Variants in ST6GALNAC5 observed in about 807,000 individuals in gnomAD.
ST6GALNAC5 encodes the protein alpha-N-acetylgalactosaminide alpha-2,6-sialyltransferase 5.
ST6GALNAC5 carries 27 observed loss-of-function variants against 33.6 expected under a neutral mutation model. That is an observed-to-expected ratio of 0.80 (90% CI 0.59 to 1.11). ST6GALNAC5 has a LOEUF of 1.11. ST6GALNAC5 is among the 50% of genes least tolerant of loss of function. ST6GALNAC5 has a pLI of 0.00. For missense variants in ST6GALNAC5, 428 were observed against 454.0 expected, an observed-to-expected ratio of 0.94 and a Z score of 0.52; for synonymous variants, 194 against 171.2, an observed-to-expected ratio of 1.13 and a Z score of -1.04.
chr1:77,028,163 T>G (rs1481194579), intron 2 of ST6GALNAC5, among the ~76,000 whole-genome samples: 1 of 152,192 alleles, frequency 6.6e-6, no homozygotes, highest in Non-Finnish European at 1.5e-5. Context: ...TTTGGCCTCT[T>G]AAGACAAGCC....
At chr1:77,016,068 C>T (rs1324791980) in intron 2 of ST6GALNAC5, among the ~76,000 whole-genome samples, 3 of 149,516 alleles carry the variant, frequency 2.0e-5, no homozygotes, top group Admixed American at 2.0e-4. Context: ...TCTACCCCCA[C>T]ATCCCCTCCT....
At position 77,063,250 on chromosome 1, in the gene ST6GALNAC5, A is replaced by G; in HGVS notation, c.*44A>G. 1 of 1,547,010 alleles carries G rather than the reference A, an allele frequency of 6.5e-7. No individual in the cohort carries two copies. Among genetic ancestry groups the G allele is most frequent in the Non-Finnish European group, 8.9e-7 (1 of 1,124,224 alleles). Reference sequence around the variant, plus strand: ...TGTAATCCCAGGTATTCACTGCATCAGACACCGAGACACTGAACTTCCTGA... The same window carrying G: ...TGTAATCCCAGGTATTCACTGCATCGGACACCGAGACACTGAACTTCCTGA... On this transcript the variant is annotated 3_prime_UTR_variant, in exon 5 of 5. Transcript: ENST00000477717.
chr1:76,878,157 C>T (rs138585993), intron 2 of ST6GALNAC5, among the ~76,000 whole-genome samples: 1 of 152,278 alleles, frequency 6.6e-6, no homozygotes, highest in East Asian at 1.9e-4. Context: ...CTCTGCAATC[C>T]CTACAGGGAT....
intron 2 of ST6GALNAC5, among the ~76,000 whole-genome samples, chr1:77,005,418 C>T (rs544085271): frequency 2.0e-4 from 31 of 152,330 alleles, no homozygotes; most frequent in Middle Eastern, 3.4e-3. Flanking sequence ...GAACCCGGTA[C>T]CTCAGATGGA....
Position 77,023,613 on chromosome 1 carries a change from G to A in ST6GALNAC5, c.262-20591G>A, listed in dbSNP as rs531383352. On this transcript the variant is annotated intron_variant, in intron 2 of 4. Coordinates refer to ENST00000477717, the MANE Select transcript of ST6GALNAC5 (RefSeq NM_030965.3). ...TGTGTCAGAGCAGAGGTGAAATCTCGGACAGCTCAGAAATCTTGGCACTGA... is the reference window on the plus strand; with the variant it reads ...TGTGTCAGAGCAGAGGTGAAATCTCAGACAGCTCAGAAATCTTGGCACTGA... Among the ~76,000 whole-genome samples the A allele has an allele frequency of 6.6e-4, 101 of 152,284 alleles. 1 individual carries two copies. The highest frequency in any genetic ancestry group is 1.7e-3 in the African/African-American group (69 of 41,560).
At chr1:77,026,771 G>A (rs1557766236) in intron 2 of ST6GALNAC5, among the ~76,000 whole-genome samples, 1 of 151,882 alleles carries the variant, frequency 6.6e-6, no homozygotes. Context: ...GGAAGATAGT[G>A]GACCACTAAA....
intron 4 of ST6GALNAC5, among the ~76,000 whole-genome samples, chr1:77,058,973 C>A (rs1399495853): frequency 6.6e-6 from 1 of 152,192 alleles, no homozygotes; most frequent in African/African-American, 2.4e-5. Context: ...TCAGTTGTCT[C>A]AAACTTAGCT....
At chr1:77,003,646 T>C (rs1233347273) in intron 2 of ST6GALNAC5, among the ~76,000 whole-genome samples, 1 of 152,158 alleles carries the variant, frequency 6.6e-6, no homozygotes, top group Non-Finnish European at 1.5e-5. Context: ...TTCCTTTCCA[T>C]GTTTAGCGCT....
rs950644175 is a variant in ST6GALNAC5, at chr1:76,962,214, C to T, written c.262-81990C>T. Among the ~76,000 whole-genome samples the T allele has an allele frequency of 1.1e-4, 17 of 152,218 alleles. 1 individual carries two copies. The South Asian group carries it at 1.9e-3, about 17-fold the overall frequency. On this transcript the variant is annotated intron_variant, in intron 2 of 4. Transcript: ENST00000477717. ...AGTTGAGGAAGAAGATTGAACAAAACATGATAAAAAATTCAGAGCTACTTG... is the reference window on the plus strand; with the variant it reads ...AGTTGAGGAAGAAGATTGAACAAAATATGATAAAAAATTCAGAGCTACTTG...
rs776552753 is a variant in ST6GALNAC5, at chr1:77,061,310, CAGCTCAAAGGTTTA to C, written c.780-1664_780-1651del. Among the ~76,000 whole-genome samples, 962 of 152,252 alleles carry C rather than the reference CAGCTCAAAGGTTTA, an allele frequency of 6.3e-3. 4 individuals carry two copies. Among genetic ancestry groups the C allele is most frequent in the Non-Finnish European group, 9.9e-3 (676 of 68,000 alleles). On this transcript the variant is annotated intron_variant, in intron 4 of 4. Transcript: ENST00000477717. ...AAGAACTTTAACCTAAGAGGAGAAACAGCTCAAAGGTTTATTGTTGTCAGAGCCAAAAACATGAC... is the reference window on the plus strand; with the variant it reads ...AAGAACTTTAACCTAAGAGGAGAAACTTGTTGTCAGAGCCAAAAACATGAC...
intron 2 of ST6GALNAC5, among the ~76,000 whole-genome samples, chr1:76,918,379 G>A (rs1162393578): frequency 6.6e-6 from 1 of 151,734 alleles, no homozygotes; most frequent in African/African-American, 2.4e-5. Context: ...CAACACTTTG[G>A]GAGGCCAAGG....
rs555007598 is a variant in ST6GALNAC5 at position 76,982,292 on chromosome 1, G to A, written c.262-61912G>A. On this transcript the variant is annotated intron_variant, in intron 2 of 4. Coordinates refer to ENST00000477717, the MANE Select transcript of ST6GALNAC5 (RefSeq NM_030965.3). ...AAAAGATTAGATGAATGGCTAACTA[G>A]AATAAACAGTAAAGAGAAGACCTTA... Among the ~76,000 whole-genome samples the A allele has an allele frequency of 7.9e-5, 12 of 152,266 alleles. No individual in the cohort carries two copies. In the East Asian group the frequency reaches 1.5e-3, roughly 20 times the overall value.
At chr1:76,893,096 C>T (rs1654048455) in intron 2 of ST6GALNAC5, among the ~76,000 whole-genome samples, 1 of 152,164 alleles carries the variant, frequency 6.6e-6, no homozygotes, top group African/African-American at 2.4e-5. Context: ...TCTTGGCAGG[C>T]ATAAGGAGTA....
In ST6GALNAC5 at chr1:76,967,621, G is replaced by T. The variant is rs545105958; in HGVS notation, c.262-76583G>T. Among the ~76,000 whole-genome samples the T allele has an allele frequency of 2.8e-4, 42 of 152,156 alleles. 1 individual carries two copies. Among genetic ancestry groups the T allele is most frequent in the African/African-American group, 9.2e-4 (38 of 41,504 alleles). On this transcript the variant is annotated intron_variant, in intron 2 of 4. Transcript: ENST00000477717. ...TGATCTTAGTTATTTCCTGCATTCT[G>T]CTAGCTTTTGAATTTGTTTGCTCTT...
chr1:77,010,139 G>C (rs1650578537), intron 2 of ST6GALNAC5, among the ~76,000 whole-genome samples: 1 of 152,164 alleles, frequency 6.6e-6, no homozygotes. Context: ...CACAGGGCTT[G>C]GAGCACAATC....
intron 2 of ST6GALNAC5, among the ~76,000 whole-genome samples, chr1:77,008,998 G>T (rs899490967): frequency 1.6e-4 from 25 of 152,152 alleles, no homozygotes; most frequent in Non-Finnish European, 3.2e-4. Flanking sequence ...AAACTGATTT[G>T]CCATTTGTGT....
rs140525863 is a variant in ST6GALNAC5 at position 76,964,745 on chromosome 1, C to T, written c.262-79459C>T. Among the ~76,000 whole-genome samples the T allele has an allele frequency of 1.1e-4, 16 of 152,244 alleles. No individual in the cohort carries two copies. In the East Asian group the frequency reaches 3.1e-3, roughly 29 times the overall value. ...TTTACATTAGGTATTTCTCCTAATGCTATCCCTCCCCCTGACCCCACCCCA... is the reference window on the plus strand; with the variant it reads ...TTTACATTAGGTATTTCTCCTAATGTTATCCCTCCCCCTGACCCCACCCCA... On this transcript the variant is annotated intron_variant, in intron 2 of 4. Transcript: ENST00000477717.
At chr1:77,036,175 T>C (rs919846269) in intron 2 of ST6GALNAC5, among the ~76,000 whole-genome samples, 1 of 152,204 alleles carries the variant, frequency 6.6e-6, no homozygotes, top group Non-Finnish European at 1.5e-5. Context: ...AAAGACTATA[T>C]ATTTTATTGT....
At chr1:76,985,243 C>T (rs1237543099) in intron 2 of ST6GALNAC5, among the ~76,000 whole-genome samples, 4 of 152,150 alleles carry the variant, frequency 2.6e-5, no homozygotes, top group African/African-American at 4.8e-5. Context: ...TTGAAGATGA[C>T]ATGATTGTAT....
Sources: gnomAD v4.1 joint callset for allele counts (sites outside exome capture counted in the v4.1 genomes callset) on GRCh38, gnomAD v4.1.1 for gene constraint, MANE v1.5 for transcripts, NCBI Gene and HGNC (gene_info 2026-07-23, HGNC 2026-07-21) for gene names.